Variants in RAB31 observed in about 807,000 individuals in gnomAD.
The protein encoded by RAB31 is RAB31, member RAS oncogene family.
In RAB31, 21 loss-of-function variants were observed where a neutral mutation model predicts 25.6. That is an observed-to-expected ratio of 0.82 (90% confidence interval 0.58 to 1.18). The LOEUF is 1.18. Ranked by LOEUF, RAB31 falls within the 50% of genes most tolerant of loss-of-function variation. The pLI is 0.00. For synonymous variants in RAB31, 87 were observed against 84.0 expected (o/e 1.04, Z -0.20); for missense variants, 196 against 250.1 (o/e 0.78, Z 1.46).
intron 5 of RAB31, among the ~76,000 whole-genome samples, chr18:9,836,253 C>G (rs945213544): frequency 6.6e-6 from 1 of 151,658 alleles, no homozygotes; most frequent in Non-Finnish European, 1.5e-5. Context: ...ATGTTACATT[C>G]CAGGAGTCTG....
chr18:9,767,964 A>G (rs1300286460), intron 1 of RAB31, among the ~76,000 whole-genome samples: 6 of 151,922 alleles, frequency 3.9e-5, no homozygotes, highest in Admixed American at 3.9e-4. Context: ...GTGAGAACAT[A>G]CAGTGTTTGG....
intron 1 of RAB31, among the ~76,000 whole-genome samples, chr18:9,736,182 C>T (rs1194097050): frequency 6.6e-6 from 1 of 152,112 alleles, no homozygotes; most frequent in African/African-American, 2.4e-5. Context: ...CTAGGTTGCC[C>T]AGACTGGTAT....
At chr18:9,844,463 G>A (rs2068750203) in intron 5 of RAB31, among the ~76,000 whole-genome samples, 1 of 152,174 alleles carries the variant, frequency 6.6e-6, no homozygotes, top group South Asian at 2.1e-4. Flanking sequence ...CCACCTCTGG[G>A]CATCTTCCTG....
chr18:9,759,834 G>A (rs2068278947), intron 1 of RAB31, among the ~76,000 whole-genome samples: 1 of 152,100 alleles, frequency 6.6e-6, no homozygotes, highest in Non-Finnish European at 1.5e-5. Context: ...TAAGGGGAAA[G>A]CACCACAGAG....
chr18:9,763,442 G>A (rs1437396389), intron 1 of RAB31, among the ~76,000 whole-genome samples: 1 of 152,050 alleles, frequency 6.6e-6, no homozygotes, highest in Non-Finnish European at 1.5e-5. Context: ...CGAAAACTAG[G>A]AAAGGAATAA....
intron 5 of RAB31, among the ~76,000 whole-genome samples, chr18:9,833,400 T>G (rs1599059132): frequency 6.6e-6 from 1 of 152,174 alleles, no homozygotes; most frequent in African/African-American, 2.4e-5. Context: ...GGTCACAATG[T>G]GAGGGTTTGG....
At chr18:9,739,714 G>A (rs956543564) in intron 1 of RAB31, among the ~76,000 whole-genome samples, 2 of 152,186 alleles carry the variant, frequency 1.3e-5, no homozygotes, top group Admixed American at 1.3e-4. Flanking sequence ...TCCTCCTGGT[G>A]GCTGGTTCAG....
intron 3 of RAB31, chr18:9,797,420 C>G (rs943091423): frequency 2.8e-4 from 42 of 152,326 alleles, no homozygotes; most frequent in African/African-American, 9.4e-4. Context: ...GTTCCATGTA[C>G]TGTTCTGAGT....
intron 1 of RAB31, among the ~76,000 whole-genome samples, chr18:9,745,890 G>A (rs985531998): frequency 1.3e-5 from 2 of 152,178 alleles, no homozygotes; most frequent in South Asian, 2.1e-4. Flanking sequence ...CACTTTCACC[G>A]TGGCTGTTCA....
intron 1 of RAB31, among the ~76,000 whole-genome samples, chr18:9,746,176 A>T (rs6506695): frequency 0.92 from 139,830 of 152,146 alleles, 64,426 homozygotes; most frequent in Admixed American, 0.94. Flanking sequence ...CATTTAGAAG[A>T]ATAACATTTA....
At chr18:9,725,138 G>A (rs78235039) in intron 1 of RAB31, among the ~76,000 whole-genome samples, 3,626 of 152,264 alleles carry the variant, frequency 0.024, 51 homozygotes, top group Non-Finnish European at 0.033. Context: ...AAGTGTTCCA[G>A]AGCCTTGGGA....
intron 5 of RAB31, among the ~76,000 whole-genome samples, 152 bp from the exon 6 acceptor site, chr18:9,845,430 T>C (rs2068756289): frequency 6.6e-6 from 1 of 152,260 alleles, no homozygotes; most frequent in South Asian, 2.1e-4. Context: ...AAAGTCTCAC[T>C]CATACTAGGT....
At chr18:9,757,212 A>T (rs747109346) in intron 1 of RAB31, among the ~76,000 whole-genome samples, 11 of 152,182 alleles carry the variant, frequency 7.2e-5, no homozygotes, top group Non-Finnish European at 1.6e-4. Flanking sequence ...AAGATCAGAG[A>T]AACATCTCAA....
chr18:9,754,022 A>C (rs2068248404), intron 1 of RAB31, among the ~76,000 whole-genome samples: 1 of 152,172 alleles, frequency 6.6e-6, no homozygotes. Context: ...ACCACTGGGC[A>C]TAAGTAGTCC....
At chr18:9,724,513 C>G (rs184235297) in intron 1 of RAB31, among the ~76,000 whole-genome samples, 1 of 152,230 alleles carries the variant, frequency 6.6e-6, no homozygotes, top group African/African-American at 2.4e-5. Context: ...TTTATATGCC[C>G]TTGGCTTCTT....
Position 9,803,439 on chromosome 18 carries a change from C to G in RAB31, c.202-10581C>G, listed in dbSNP as rs2068524036. ...TGTTTTTTGTTCAGAGACAAGGTCTCACTATACTGTCCAGGCTGGGATGAC... is the reference window on the plus strand; with the variant it reads ...TGTTTTTTGTTCAGAGACAAGGTCTGACTATACTGTCCAGGCTGGGATGAC... On this transcript the variant is annotated intron_variant, in intron 3 of 6. Transcript: ENST00000578921. 2.0e-5 allele frequency among the ~76,000 whole-genome samples: 3 copies of G among 152,048 alleles called. No individual in the cohort carries two copies. In the East Asian group the frequency reaches 5.8e-4, roughly 29 times the overall value.
chr18:9,733,798 C>T lies in RAB31; in HGVS notation c.39+25354C>T, dbSNP rs2068135581. 1.3e-5 allele frequency among the ~76,000 whole-genome samples: 2 copies of T among 152,004 alleles called. 1 individual carries two copies. The highest frequency in any genetic ancestry group is 4.2e-4 in the South Asian group (2 of 4,810). ...TTGCCCATCCTTCCCTCAAGACTCC[C>T]TCAGAGACATTGTACCGTTGTTTTC... On this transcript the variant is annotated intron_variant, in intron 1 of 6. Transcript: ENST00000578921.
At chr18:9,728,677 A>G (rs2068106925) in intron 1 of RAB31, among the ~76,000 whole-genome samples, 1 of 152,130 alleles carries the variant, frequency 6.6e-6, no homozygotes, top group Admixed American at 6.5e-5. Context: ...AGCTGGGATT[A>G]CAGGTGTTTG....
chr18:9,781,251 C>T (rs188353708), intron 2 of RAB31, among the ~76,000 whole-genome samples: 2 of 152,172 alleles, frequency 1.3e-5, no homozygotes, highest in East Asian at 1.9e-4. Context: ...CGCATTTTCT[C>T]GTAGCTTAAT....
Sources: gnomAD v4.1 joint callset for allele counts (sites outside exome capture counted in the v4.1 genomes callset) on GRCh38, gnomAD v4.1.1 for gene constraint, MANE v1.5 for transcripts, NCBI Gene and HGNC (gene_info 2026-07-23, HGNC 2026-07-21) for gene names.